GABRB3: variants seen among roughly 807,000 people sequenced by gnomAD.
GABRB3 encodes the protein gamma-aminobutyric acid receptor subunit beta-3.
In GABRB3, 14 loss-of-function variants were observed where a neutral mutation model predicts 52.1. The ratio of observed to expected loss-of-function variants is 0.27; its 90% CI spans 0.18 to 0.42. GABRB3 has a LOEUF of 0.42. Among genes scored for constraint, GABRB3 ranks in the 10% least tolerant of loss-of-function variants. The pLI is 1.00. For synonymous variants in GABRB3, 260 were observed against 232.3 expected, an observed-to-expected ratio of 1.12 and a Z score of -1.08; for missense variants, 307 against 609.1, an observed-to-expected ratio of 0.50 and a Z score of 5.22.
At chr15:26,556,010 A>G (rs1889737721) in intron 8 of GABRB3, among the ~76,000 whole-genome samples, 1 of 152,220 alleles carries the variant, frequency 6.6e-6, no homozygotes, top group Non-Finnish European at 1.5e-5. Flanking sequence ...TTTTTCTATC[A>G]TCTAGAGTTT....
intron 3 of GABRB3, among the ~76,000 whole-genome samples, chr15:26,768,947 C>T (rs951610017): frequency 6.6e-6 from 1 of 152,080 alleles, no homozygotes; most frequent in African/African-American, 2.4e-5. Context: ...AGATTGTTTC[C>T]ACAAAACACC....
rs941426607 is a variant in GABRB3, at chr15:26,638,930, G to A, written c.241-17396C>T. ...CCGGGAACTAGGAAGAGTCTGTTCC[G>A]GTGAGGTGCAAGAACACAGTCTTCC... On this transcript the variant is annotated intron_variant, in intron 3 of 8. Coordinates refer to ENST00000311550, the MANE Select transcript of GABRB3 (RefSeq NM_000814.6). Among the ~76,000 whole-genome samples the A allele has an allele frequency of 7.9e-5, 12 of 152,094 alleles. 1 individual carries two copies. The highest frequency in any genetic ancestry group is 4.1e-4 in the South Asian group (2 of 4,822).
At chr15:26,765,802 T>C (rs555153945) in intron 3 of GABRB3, among the ~76,000 whole-genome samples, 4 of 152,138 alleles carry the variant, frequency 2.6e-5, no homozygotes, top group Admixed American at 6.5e-5. Context: ...AAATGCAGAA[T>C]GGGAAATGTC....
intron 3 of GABRB3, among the ~76,000 whole-genome samples, chr15:26,640,857 A>T (rs577135450): frequency 2.3e-4 from 35 of 152,320 alleles, no homozygotes; most frequent in African/African-American, 7.7e-4. Context: ...ATAACCAGAG[A>T]TGTCAATTCA....
At chr15:26,651,937 C>T (rs1467756764) in intron 3 of GABRB3, among the ~76,000 whole-genome samples, 1 of 152,208 alleles carries the variant, frequency 6.6e-6, no homozygotes, top group Non-Finnish European at 1.5e-5. Context: ...AGTGCATCTC[C>T]ATTCATGCAG....
At position 26,561,043 on chromosome 15, in the gene GABRB3, C is replaced by T. The variant is rs77608123; in HGVS notation, c.969G>A (p.Glu323=). ...CFVFVFLALL[E]YAFVNYIFFG... ...AGAAAATGTAGTTGACAAAGGCATA[C>T]TCCAGAAGGGCCAGGAACACAAAGA... Residue 323 remains glutamate (E), a synonymous_variant, in exon 8 of 9, where the codon GAG becomes GAA. Coordinates refer to ENST00000311550, the MANE Select transcript of GABRB3 (RefSeq NM_000814.6). 2.0e-5 allele frequency: 33 copies of T among 1,614,038 alleles called. No individual in the cohort carries two copies. In the Admixed American group the frequency reaches 5.3e-4, roughly 26 times the overall value.
chr15:26,725,815 A>G (rs1361702440), intron 3 of GABRB3, among the ~76,000 whole-genome samples: 1 of 152,238 alleles, frequency 6.6e-6, no homozygotes, highest in African/African-American at 2.4e-5. Context: ...AACATTTTTA[A>G]TATTTAATAA....
intron 4 of GABRB3, among the ~76,000 whole-genome samples, chr15:26,606,345 C>T (rs1248153008): frequency 6.6e-6 from 1 of 152,022 alleles, no homozygotes; most frequent in Non-Finnish European, 1.5e-5. Context: ...GGAATGCATA[C>T]CCAATATTCC....
intron 3 of GABRB3, among the ~76,000 whole-genome samples, chr15:26,693,643 T>C (rs1315131751): frequency 6.6e-6 from 1 of 152,174 alleles, no homozygotes; most frequent in Non-Finnish European, 1.5e-5. Flanking sequence ...ACAACTCTTA[T>C]TAGATCCATC....
intron 3 of GABRB3, among the ~76,000 whole-genome samples, chr15:26,748,620 A>T (rs1890414410): frequency 6.6e-6 from 1 of 152,170 alleles, no homozygotes; most frequent in African/African-American, 2.4e-5. Context: ...GGTTTATCAA[A>T]TTAATTGATT....
At chr15:26,675,010 G>C (rs1221590724) in intron 3 of GABRB3, among the ~76,000 whole-genome samples, 2 of 152,128 alleles carry the variant, frequency 1.3e-5, no homozygotes, top group East Asian at 3.9e-4. Context: ...CCTTCTCCCT[G>C]AGAAGGTAGG....
intron 3 of GABRB3, among the ~76,000 whole-genome samples, chr15:26,631,362 T>C (rs1892909250): frequency 6.6e-6 from 1 of 152,210 alleles, no homozygotes; most frequent in African/African-American, 2.4e-5. Flanking sequence ...AGAATACACA[T>C]TTGAAAGCGG....
At position 26,551,430 on chromosome 15, in the gene GABRB3, C is replaced by T. The variant is rs888798384; in HGVS notation, c.1081-3296G>A. On this transcript the variant is annotated intron_variant, in intron 8 of 8. Coordinates refer to ENST00000311550, the MANE Select transcript of GABRB3 (RefSeq NM_000814.6). ...TGCTCCCTCGGCCACTGCAACATAT[C>T]TTGAGGTTTTCCTTAAGCCTCGAGA... Among the ~76,000 whole-genome samples, 43 of 152,316 alleles carry T rather than the reference C, an allele frequency of 2.8e-4. No individual in the cohort carries two copies. In the Middle Eastern group the frequency reaches 0.01, roughly 36 times the overall value.
intron 3 of GABRB3, among the ~76,000 whole-genome samples, chr15:26,674,178 G>C (rs1331091112): frequency 6.6e-6 from 1 of 151,140 alleles, no homozygotes; most frequent in African/African-American, 2.4e-5. Flanking sequence ...GAGGCGGGCC[G>C]ATCACCCGAG....
intron 4 of GABRB3, chr15:26,616,112 T>C: frequency 7.9e-7 from 1 of 1,269,336 alleles, no homozygotes; most frequent in East Asian, 5.6e-5. Context: ...ACTGGCCCAC[T>C]CCGGGCCTGC....
At chr15:26,767,289 G>A (rs912330075) in intron 3 of GABRB3, 42 of 152,154 alleles carry the variant, frequency 2.8e-4, no homozygotes, top group African/African-American at 8.4e-4. Flanking sequence ...ATCCCCCAGC[G>A]TGCTTTGTAA....
intron 3 of GABRB3, among the ~76,000 whole-genome samples, chr15:26,761,655 G>A (rs535846527): frequency 6.6e-6 from 1 of 152,186 alleles, no homozygotes; most frequent in African/African-American, 2.4e-5. Context: ...CAGTGTCTGA[G>A]CACTGCCTGT....
intron 8 of GABRB3, among the ~76,000 whole-genome samples, chr15:26,554,189 T>TATATATATATAC (rs1346521870): frequency 3.7e-5 from 1 of 27,362 alleles, no homozygotes; most frequent in South Asian, 1.2e-3. Context: ...TATATATATA[T>TATATATATATAC]ACTATATATA....
At position 26,772,948 on chromosome 15, in the gene GABRB3, C is replaced by A. The variant is rs1453904800; in HGVS notation, c.15G>T (p.Ala5=). ...AGAAGATGCCGAAAAGCCTTCCTCC[C>A]GCAAGGCCCCACATCCCTCCGCCGC... MWGL[A]GGRLFGIFSA... The change falls in exon 1 of 9, where the codon GCG becomes GCT. Residue 5 remains alanine, a synonymous_variant. Transcript: ENST00000311550. The A allele has an allele frequency of 6.8e-7, 1 of 1,472,212 alleles. No individual in the cohort carries two copies. Among genetic ancestry groups the A allele is most frequent in the East Asian group, 3.1e-5 (1 of 32,726 alleles). The allele number at this position is 1,472,212 out of a possible 1,614,324, so 91.2% of individuals were successfully genotyped here. A position where few individuals can be genotyped will look rare whatever the true frequency, so the allele number is the denominator to read the frequency against.
Sources: allele counts gnomAD v4.1 joint callset (sites outside exome capture counted in the v4.1 genomes callset), GRCh38; gene constraint gnomAD v4.1.1; transcripts MANE v1.5; gene names NCBI Gene and HGNC (gene_info 2026-07-23, HGNC 2026-07-21).